The following FAM117B variants were observed in gnomAD, a reference collection of about 807,000 sequenced individuals.
The protein encoded by FAM117B is family with sequence similarity 117 member B, also known as protein FAM117B.
A neutral mutation model predicts 52.8 loss-of-function variants in FAM117B; 22 were observed. The ratio of observed to expected loss-of-function variants is 0.42; its 90% confidence interval spans 0.30 to 0.59. The LOEUF (loss-of-function observed/expected upper bound fraction) is 0.59, where lower values mean the gene tolerates loss of function less well. FAM117B is among the 20% of genes least tolerant of loss of function. The probability of loss-of-function intolerance (pLI) is 0.22; values close to 1 mark genes in which losing one functional copy is unlikely to be tolerated. For missense variants in FAM117B, 678 were observed against 802.6 expected (o/e 0.84, Z 1.88); for synonymous variants, 309 against 324.1 (o/e 0.95, Z 0.50).
intron 1 of FAM117B, among the ~76,000 whole-genome samples, chr2:202,666,195 A>G (rs1351991150): frequency 1.3e-5 from 2 of 152,206 alleles, no homozygotes; most frequent in Non-Finnish European, 2.9e-5. Context: ...TGATATAGTC[A>G]AAAGCAGATT....
intron 1 of FAM117B, among the ~76,000 whole-genome samples, chr2:202,650,567 T>C (rs201791088): frequency 6.6e-6 from 1 of 151,986 alleles, no homozygotes; most frequent in Non-Finnish European, 1.5e-5. Context: ...GATCACAAGG[T>C]AAAGTCCCAC....
intron 1 of FAM117B, among the ~76,000 whole-genome samples, chr2:202,695,641 T>C (rs1416341068): frequency 2.0e-5 from 3 of 152,200 alleles, no homozygotes; most frequent in African/African-American, 7.2e-5. Flanking sequence ...TCTCATGCTG[T>C]GCCTAACTTA....
At chr2:202,649,329 C>T (rs1689921228) in intron 1 of FAM117B, among the ~76,000 whole-genome samples, 1 of 152,070 alleles carries the variant, frequency 6.6e-6, no homozygotes, top group African/African-American at 2.4e-5. Flanking sequence ...ACTATTGTTG[C>T]CTCTTTTTAC....
chr2:202,668,143 T>C (rs1257348632), intron 1 of FAM117B, among the ~76,000 whole-genome samples: 1 of 140,126 alleles, frequency 7.1e-6, no homozygotes, highest in Non-Finnish European at 1.5e-5. Context: ...TTTATAAAAA[T>C]ATATAAATAT....
chr2:202,747,065 A>G (rs368209297), intron 4 of FAM117B, among the ~76,000 whole-genome samples: 2 of 152,188 alleles, frequency 1.3e-5, no homozygotes, highest in Non-Finnish European at 2.9e-5. Flanking sequence ...CAACACATCA[A>G]AAAGGTAATA....
At chr2:202,693,143 GA>G (rs1445423588) in intron 1 of FAM117B, among the ~76,000 whole-genome samples, 7 of 152,088 alleles carry the variant, frequency 4.6e-5, no homozygotes, top group African/African-American at 1.7e-4. Context: ...TATGATTTCA[GA>G]AAATTAGTAA....
In FAM117B at chr2:202,684,764, T is replaced by C. The variant is rs190862856; in HGVS notation, c.602-11117T>C. Among the ~76,000 whole-genome samples, 166 of 152,298 alleles carry C rather than the reference T, an allele frequency of 1.1e-3. 2 individuals are homozygous for C. The highest frequency in any genetic ancestry group is 0.011 in the Admixed American group (166 of 15,280). ...ATAAGATGTCTTTAACAGAAACATATATTAAACAAGATCATGTATTGATTG... is the reference window on the plus strand; with the variant it reads ...ATAAGATGTCTTTAACAGAAACATACATTAAACAAGATCATGTATTGATTG... On this transcript the variant is annotated intron_variant, in intron 1 of 7. Transcript: ENST00000392238.
chr2:202,714,450 G>A (rs1180387442), intron 2 of FAM117B, among the ~76,000 whole-genome samples: 2 of 151,244 alleles, frequency 1.3e-5, no homozygotes, highest in East Asian at 3.9e-4. Flanking sequence ...TCTCTATTTA[G>A]ATCTAATAAT....
intron 7 of FAM117B, 94 bp downstream of exon 7, chr2:202,759,447 T>G: frequency 4.1e-6 from 6 of 1,453,466 alleles, no homozygotes; most frequent in Non-Finnish European, 5.5e-6. Flanking sequence ...TGGACTGCAC[T>G]GATGCAGTCA....
intron 4 of FAM117B, among the ~76,000 whole-genome samples, chr2:202,739,442 C>T (rs1424444662): frequency 6.9e-6 from 1 of 145,788 alleles, no homozygotes; most frequent in Non-Finnish European, 1.5e-5. Context: ...CTTCCCTCCC[C>T]TCCCCTCCCC....
intron 1 of FAM117B, among the ~76,000 whole-genome samples, chr2:202,694,188 C>CTTTTTTTTTTTTTTTTTTTTTTTTTT (rs757843381): frequency 4.0e-5 from 4 of 99,098 alleles, no homozygotes; most frequent in African/African-American, 1.3e-4. Context: ...AAACCCACTT[C>CTTTTTTTTTTTTTTTTTTTTTTTTTT]TTTTTTTTTT....
chr2:202,645,455 A>G (rs1401198704), intron 1 of FAM117B, among the ~76,000 whole-genome samples: 6 of 146,834 alleles, frequency 4.1e-5, no homozygotes, highest in Non-Finnish European at 7.5e-5. Context: ...TCGCCCGGCT[A>G]ATTTTTTGTA....
intron 7 of FAM117B, among the ~76,000 whole-genome samples, chr2:202,762,143 C>T (rs1559118096): frequency 1.3e-5 from 2 of 152,272 alleles, no homozygotes; most frequent in South Asian, 2.1e-4. Flanking sequence ...GATTGTTGGT[C>T]CCAATGTAAC....
intron 1 of FAM117B, among the ~76,000 whole-genome samples, chr2:202,652,504 T>C (rs1381126395): frequency 6.6e-6 from 1 of 152,200 alleles, no homozygotes; most frequent in Non-Finnish European, 1.5e-5. Flanking sequence ...ATAATTCAGA[T>C]TTTTGCAGTA....
At chr2:202,686,207 C>T (rs553404160) in intron 1 of FAM117B, among the ~76,000 whole-genome samples, 1 of 152,258 alleles carries the variant, frequency 6.6e-6, no homozygotes, top group African/African-American at 2.4e-5. Context: ...ATTAAAGCCA[C>T]GGTGAACCAT....
At chr2:202,720,048 A>T (rs1288741688) in intron 2 of FAM117B, among the ~76,000 whole-genome samples, 1 of 152,178 alleles carries the variant, frequency 6.6e-6, no homozygotes, top group Admixed American at 6.5e-5. Flanking sequence ...TGTAACTAAT[A>T]GTAATTTGTG....
At chr2:202,735,929 A>T (rs535569280) in intron 4 of FAM117B, among the ~76,000 whole-genome samples, 1 of 152,168 alleles carries the variant, frequency 6.6e-6, no homozygotes, top group Non-Finnish European at 1.5e-5. Context: ...TGCTATCCCT[A>T]CCCCCGAGGT....
At chr2:202,715,167 C>G (rs2105783541) in intron 2 of FAM117B, among the ~76,000 whole-genome samples, 1 of 150,480 alleles carries the variant, frequency 6.6e-6, no homozygotes. Flanking sequence ...GGGGCTGACC[C>G]CCCACCTCCC....
At chr2:202,712,046 T>C (rs1477592412) in intron 2 of FAM117B, among the ~76,000 whole-genome samples, 2 of 152,218 alleles carry the variant, frequency 1.3e-5, no homozygotes, top group African/African-American at 2.4e-5. Context: ...TGGATCCTTA[T>C]AAATTTTAGG....
Sources: gnomAD v4.1 joint callset for allele counts (sites outside exome capture counted in the v4.1 genomes callset) on GRCh38, gnomAD v4.1.1 for gene constraint, MANE v1.5 for transcripts, NCBI Gene and HGNC (gene_info 2026-07-23, HGNC 2026-07-21) for gene names.